Variants in YPEL5 observed in about 807,000 individuals in gnomAD.
The protein encoded by YPEL5 is protein yippee-like 5.
A neutral mutation model predicts 10.5 loss-of-function variants in YPEL5; 1 was observed. The ratio of observed to expected loss-of-function variants is 0.10; its 90% CI spans 0.03 to 0.45. YPEL5 has a LOEUF of 0.45. Ranked by LOEUF, YPEL5 falls within the 20% of genes least tolerant of loss-of-function variation. YPEL5 has a pLI of 0.97. For synonymous variants in YPEL5, 61 were observed against 56.6 expected, an observed-to-expected ratio of 1.08 and a Z score of -0.35; for missense variants, 68 against 159.3, an observed-to-expected ratio of 0.43 and a Z score of 3.09.
intron 2 of YPEL5, among the ~76,000 whole-genome samples, chr2:30,158,327 A>G (rs1481712481): frequency 2.6e-5 from 4 of 152,222 alleles, no homozygotes; most frequent in Non-Finnish European, 5.9e-5. Flanking sequence ...CTCCAATTCC[A>G]GGACTTTTTC....
At chr2:30,150,258 A>G (rs957473586) in intron 1 of YPEL5, among the ~76,000 whole-genome samples, 1 of 152,146 alleles carries the variant, frequency 6.6e-6, no homozygotes, top group African/African-American at 2.4e-5. Flanking sequence ...TGGGATGGGG[A>G]ATGTTGAAGA....
chr2:30,148,060 C>T (rs1049332580), intron 1 of YPEL5: 1 of 152,226 alleles, frequency 6.6e-6, no homozygotes, highest in African/African-American at 2.4e-5. Context: ...TGGGCGTGCC[C>T]TTGCAACCCC....
In YPEL5 at chr2:30,160,377, CTA is replaced by C. The variant is rs941834304; in HGVS notation, c.*1536_*1537del. The C allele has an allele frequency of 1.3e-5, 2 of 152,218 alleles. No individual in the cohort carries two copies. Among genetic ancestry groups the C allele is most frequent in the African/African-American group, 4.8e-5 (2 of 41,462 alleles). The allele number at this position is 152,218 out of a possible 1,614,324, so 9.4% of individuals were successfully genotyped here. A position where few individuals can be genotyped will look rare whatever the true frequency, so the allele number is the denominator to read the frequency against. ...TGCATTTGAAATAAGTGGACACAAA[CTA>C]TCCTTTCTCCACCATGGACTCAATC... On this transcript the variant is annotated 3_prime_UTR_variant, in exon 3 of 3. Transcript: ENST00000261353.
At chr2:30,150,420 A>G (rs1323269745) in intron 1 of YPEL5, among the ~76,000 whole-genome samples, 2 of 152,216 alleles carry the variant, frequency 1.3e-5, no homozygotes, top group Non-Finnish European at 2.9e-5. Flanking sequence ...TAACTCACCC[A>G]GTGTTTCCAA....
At chr2:30,153,783 G>T (rs1240474204) in intron 1 of YPEL5, among the ~76,000 whole-genome samples, 1 of 152,174 alleles carries the variant, frequency 6.6e-6, no homozygotes, top group Non-Finnish European at 1.5e-5. Context: ...CCACAACTAG[G>T]AATAGTGTAA....
intron 1 of YPEL5, among the ~76,000 whole-genome samples, chr2:30,149,461 T>C (rs3768667): frequency 0.32 from 48,828 of 152,138 alleles, 9,268 homozygotes; most frequent in Non-Finnish European, 0.44. Context: ...GTTGATTGTA[T>C]GGATCAAACT....
intron 1 of YPEL5, chr2:30,148,105 A>G (rs2103502874): frequency 6.6e-6 from 1 of 152,404 alleles, no homozygotes. Flanking sequence ...GATGGGACAA[A>G]TGAGTGTCCG....
intron 1 of YPEL5, among the ~76,000 whole-genome samples, chr2:30,152,184 T>G (rs1316684572): frequency 6.6e-6 from 1 of 152,134 alleles, no homozygotes; most frequent in East Asian, 1.9e-4. Flanking sequence ...TTTTAAAAAA[T>G]AACCTGCAAT....
chr2:30,150,546 T>G (rs1675735213), intron 1 of YPEL5, among the ~76,000 whole-genome samples: 1 of 152,218 alleles, frequency 6.6e-6, no homozygotes, highest in African/African-American at 2.4e-5. Flanking sequence ...TGGTAGATAT[T>G]ATCTATTTTT....
chr2:30,147,413 C>T (rs1366077676), intron 1 of YPEL5: 1 of 148,302 alleles, frequency 6.7e-6, no homozygotes, highest in Non-Finnish European at 1.5e-5. Context: ...CCCGTCGCGT[C>T]CTCCGAGGCC....
chr2:30,150,095 A>G (rs1390278895), intron 1 of YPEL5, among the ~76,000 whole-genome samples: 2 of 152,196 alleles, frequency 1.3e-5, no homozygotes, highest in Non-Finnish European at 2.9e-5. Flanking sequence ...GAACTGTGAC[A>G]TGCTTCAGAA....
At chr2:30,153,691 C>G (rs1280262352) in intron 1 of YPEL5, among the ~76,000 whole-genome samples, 2 of 152,220 alleles carry the variant, frequency 1.3e-5, no homozygotes, top group Non-Finnish European at 2.9e-5. Flanking sequence ...CTGCTAGATC[C>G]TGTGGCATTC....
intron 1 of YPEL5, among the ~76,000 whole-genome samples, chr2:30,154,894 A>G (rs1216368021): frequency 6.6e-6 from 1 of 152,112 alleles, no homozygotes; most frequent in Non-Finnish European, 1.5e-5. Flanking sequence ...GTGCGCCACC[A>G]CGTCTGACTA....
chr2:30,149,943 A>G (rs1206206343), intron 1 of YPEL5, among the ~76,000 whole-genome samples: 5 of 152,238 alleles, frequency 3.3e-5, no homozygotes, highest in South Asian at 2.1e-4. Context: ...AGAAGGTTCT[A>G]TGAGATGCGA....
At chr2:30,156,450 A>G in intron 1 of YPEL5, 178 bp from the exon 2 acceptor site, 2 of 562,426 alleles carry the variant, frequency 3.6e-6, no homozygotes, top group South Asian at 2.7e-5. Context: ...ATGCCTGTTT[A>G]TTTGTTCAGT....
At chr2:30,148,081 C>T (rs1377458367) in intron 1 of YPEL5, 1 of 152,274 alleles carries the variant, frequency 6.6e-6, no homozygotes, top group Non-Finnish European at 1.5e-5. Flanking sequence ...TTTCCTGTAC[C>T]TTCTCTGCAG....
chr2:30,155,762 AT>A (rs770530265), intron 1 of YPEL5: 2 of 152,168 alleles, frequency 1.3e-5, no homozygotes, highest in Non-Finnish European at 2.9e-5. Context: ...CACTTTTATG[AT>A]TTATTGAATC....
chr2:30,158,339 T>A (rs973011025), intron 2 of YPEL5, among the ~76,000 whole-genome samples: 16 of 152,214 alleles, frequency 1.1e-4, no homozygotes, highest in African/African-American at 3.4e-4. Flanking sequence ...GACTTTTTCT[T>A]ACCTGCAACA....
At position 30,158,790 on chromosome 2, in the gene YPEL5, C is replaced by G; in HGVS notation, c.313C>G (p.Leu105Val). 1.9e-6 allele frequency: 3 copies of G among 1,614,172 alleles called. No individual in the cohort carries two copies. Among genetic ancestry groups the G allele is most frequent in the Non-Finnish European group, 2.5e-6 (3 of 1,180,024 alleles). Residue 105 changes from leucine (L) to valine (V), a missense_variant, in exon 3 of 3, where the codon CTA becomes GTA. This residue lies in a region of YPEL5 where 20 missense variants were observed against 21.0 expected (regional missense o/e 0.95). Transcript: ENST00000261353. ...AGGCCGCGTGATCCTGGAACGTGCT[C>G]TAGTTCGAGAGAGTGAGGGCTTTGA... ...KEGRVILERA[L>V]VRESEGFEEH...
Sources: allele counts gnomAD v4.1 joint callset (sites outside exome capture counted in the v4.1 genomes callset), GRCh38; gene constraint gnomAD v4.1.1; regional missense constraint gnomAD v4.1.1; transcripts MANE v1.5; gene names NCBI Gene and HGNC (gene_info 2026-07-23, HGNC 2026-07-21).